FRYL: variants seen among roughly 807,000 people sequenced by gnomAD.
FRYL encodes FRY like transcription coactivator, also known as protein furry homolog-like.
In FRYL, 150 loss-of-function variants were observed where a neutral mutation model predicts 351.2. That is an observed-to-expected ratio of 0.43 (90% CI 0.37 to 0.49). FRYL has a LOEUF of 0.49. FRYL is among the 20% of genes least tolerant of loss of function. FRYL has a pLI of 0.00. For synonymous variants in FRYL, 1,153 were observed against 1,257.1 expected, an observed-to-expected ratio of 0.92 and a Z score of 1.75; for missense variants, 3,036 against 3,619.3, an observed-to-expected ratio of 0.84 and a Z score of 4.13.
intron 1 of FRYL, among the ~76,000 whole-genome samples, chr4:48,769,971 G>A (rs996672466): frequency 3.9e-5 from 6 of 152,182 alleles, no homozygotes; most frequent in African/African-American, 1.4e-4. Flanking sequence ...TGGTGGGACA[G>A]TTCTATATCT....
rs557739074 is a variant in FRYL at position 48,635,393 on chromosome 4, A to G, written c.-80-903T>C. On this transcript the variant is annotated intron_variant, in intron 3 of 63. Transcript: ENST00000358350. The stretch of plus-strand genomic sequence containing the variant: ...GCTAAGAGGATGGCAACAGCACAGG[A>G]AAAAAAGCAAAGTATTTGAGACTTG... 7.9e-5 allele frequency among the ~76,000 whole-genome samples: 12 copies of G among 152,302 alleles called. No homozygotes were observed. The South Asian group carries it at 2.5e-3, about 32-fold the overall frequency.
intron 21 of FRYL, 59 bp downstream of exon 21, chr4:48,581,361 C>A: frequency 6.8e-7 from 1 of 1,463,030 alleles, no homozygotes; most frequent in South Asian, 1.3e-5. Flanking sequence ...TAAGGATGGA[C>A]AAAGAGATGG....
At chr4:48,762,212 T>C (rs1448704941) in intron 1 of FRYL, among the ~76,000 whole-genome samples, 1 of 152,212 alleles carries the variant, frequency 6.6e-6, no homozygotes, top group African/African-American at 2.4e-5. Context: ...GGTACTTCGT[T>C]ATTGCAGCCA....
intron 3 of FRYL, among the ~76,000 whole-genome samples, chr4:48,661,146 G>C (rs2149474534): frequency 6.6e-6 from 1 of 152,262 alleles, no homozygotes; most frequent in Non-Finnish European, 1.5e-5. Context: ...TAAACTCTTT[G>C]TACTATCCCT....
Position 48,589,792 on chromosome 4 carries a change from A to G in FRYL, c.1593T>C (p.Cys531=). ...HLDKEVGRPM[C]MTSVQMSNKE... is the part of the protein sequence containing the mutation. ...TATTAGACATCTGCACACTGGTCAT[A>G]CACATTGGTCTCCCAACTTCTTTGT... Residue 531 remains cysteine, a synonymous_variant, in exon 18 of 64, where the codon TGT becomes TGC. Coordinates refer to ENST00000358350, the MANE Select transcript of FRYL (RefSeq NM_015030.2). 2 of 1,613,882 alleles carry G rather than the reference A, an allele frequency of 1.2e-6. No homozygotes were observed. Among genetic ancestry groups the G allele is most frequent in the Non-Finnish European group, 1.7e-6 (2 of 1,179,792 alleles).
intron 45 of FRYL, among the ~76,000 whole-genome samples, chr4:48,541,220 G>A (rs1020080438): frequency 1.3e-5 from 2 of 152,230 alleles, no homozygotes; most frequent in South Asian, 4.1e-4. Context: ...TATAGTAATC[G>A]CTAACAACGT....
At chr4:48,686,093 G>A (rs2149549693) in intron 2 of FRYL, among the ~76,000 whole-genome samples, 1 of 152,234 alleles carries the variant, frequency 6.6e-6, no homozygotes, top group Admixed American at 6.5e-5. Flanking sequence ...ATCTGGCATT[G>A]AAACTCAAAT....
At chr4:48,563,678 C>G (rs1229976569) in intron 31 of FRYL, among the ~76,000 whole-genome samples, 1 of 150,492 alleles carries the variant, frequency 6.6e-6, no homozygotes, top group African/African-American at 2.5e-5. Flanking sequence ...CCACTGCACT[C>G]TAGCCTGGGT....
chr4:48,620,140 C>A (rs879802741), intron 6 of FRYL, among the ~76,000 whole-genome samples: 1 of 152,152 alleles, frequency 6.6e-6, no homozygotes, highest in Non-Finnish European at 1.5e-5. Flanking sequence ...CCTGAACACA[C>A]GTGGCTCTTA....
intron 1 of FRYL, among the ~76,000 whole-genome samples, chr4:48,768,575 T>C (rs1386947957): frequency 6.6e-6 from 1 of 151,926 alleles, no homozygotes; most frequent in Admixed American, 6.6e-5. Context: ...AAGGCTGAGG[T>C]AGGCAGATAA....
chr4:48,511,009 G>C lies in FRYL; in HGVS notation c.8146-25C>G, dbSNP rs1287966766. Reference sequence around the variant, plus strand: ...TCTATGGAGAAAAGCAGAAGAAAGAGTTTAGTGTTTCATAAGAAGGCCTTT... The same window carrying C: ...TCTATGGAGAAAAGCAGAAGAAAGACTTTAGTGTTTCATAAGAAGGCCTTT... On this transcript the variant is annotated intron_variant, in intron 57 of 63. Coordinates refer to ENST00000358350, the MANE Select transcript of FRYL (RefSeq NM_015030.2). 4 of 1,576,520 alleles carry C rather than the reference G, an allele frequency of 2.5e-6. No individual in the cohort carries two copies. The African/African-American group carries it at 5.5e-5, about 22-fold the overall frequency.
intron 2 of FRYL, among the ~76,000 whole-genome samples, chr4:48,696,034 C>T (rs558699679): frequency 6.6e-6 from 1 of 152,104 alleles, no homozygotes; most frequent in Non-Finnish European, 1.5e-5. Flanking sequence ...ACAATAGATG[C>T]TGGTGAGGCT....
intron 57 of FRYL, among the ~76,000 whole-genome samples, chr4:48,511,244 A>T (rs1303782024): frequency 6.6e-6 from 1 of 152,186 alleles, no homozygotes; most frequent in African/African-American, 2.4e-5. Flanking sequence ...AGATTTTTTC[A>T]TCAGGGGGCA....
intron 1 of FRYL, among the ~76,000 whole-genome samples, chr4:48,775,517 G>A (rs1775924486): frequency 6.6e-6 from 1 of 152,062 alleles, no homozygotes; most frequent in Non-Finnish European, 1.5e-5. Flanking sequence ...CTGCCCTCTG[G>A]GGTAGCTTAA....
intron 25 of FRYL, chr4:48,574,366 T>G (rs1739073351): frequency 6.6e-6 from 1 of 152,210 alleles, no homozygotes; most frequent in African/African-American, 2.4e-5. Context: ...TAAAATCTTT[T>G]TCCAAAACTT....
chr4:48,635,596 G>C (rs1423494573), intron 3 of FRYL, among the ~76,000 whole-genome samples: 2 of 152,182 alleles, frequency 1.3e-5, no homozygotes, highest in East Asian at 1.9e-4. Flanking sequence ...ACCACTGCAT[G>C]CTGTGCAGCT....
intron 1 of FRYL, chr4:48,727,351 G>T (rs1770193137): frequency 6.6e-6 from 1 of 152,174 alleles, no homozygotes; most frequent in Non-Finnish European, 1.5e-5. Flanking sequence ...TAAAAGAAAT[G>T]AGGTCATAAG....
chr4:48,564,831 A>G, intron 30 of FRYL, 102 bp downstream of exon 30: 1 of 623,232 alleles, frequency 1.6e-6, no homozygotes. Context: ...ATCCTAACCT[A>G]TCTTATTTTT....
intron 3 of FRYL, among the ~76,000 whole-genome samples, chr4:48,663,559 T>A (rs533743997): frequency 1.5e-3 from 220 of 150,452 alleles, no homozygotes; most frequent in Non-Finnish European, 2.8e-3. Context: ...AATAATTGAG[T>A]AAATAAAAGA....
Sources: allele counts gnomAD v4.1 joint callset (sites outside exome capture counted in the v4.1 genomes callset), GRCh38; gene constraint gnomAD v4.1.1; transcripts MANE v1.5; gene names NCBI Gene and HGNC (gene_info 2026-07-23, HGNC 2026-07-21).